Variants in GABPB1 observed in about 807,000 individuals in gnomAD.
GABPB1 encodes the protein GA-binding protein subunit beta-1.
A neutral mutation model predicts 45.9 loss-of-function variants in GABPB1; 15 were observed. The observed-to-expected ratio is 0.33, with a 90% CI of 0.22 to 0.50. The LOEUF is 0.50. Among genes scored for constraint, GABPB1 ranks in the 20% least tolerant of loss-of-function variants. GABPB1 has a pLI of 0.98. For missense variants in GABPB1, 252 were observed against 457.5 expected (o/e 0.55, Z 4.10); for synonymous variants, 143 against 154.4 (o/e 0.93, Z 0.55).
intron 1 of GABPB1, among the ~76,000 whole-genome samples, chr15:50,326,957 A>G (rs1466294326): frequency 6.6e-6 from 1 of 152,178 alleles, no homozygotes; most frequent in Non-Finnish European, 1.5e-5. Flanking sequence ...AGATTTCACA[A>G]ATTCATTTGA....
chr15:50,293,816 T>C (rs929828726), intron 6 of GABPB1, among the ~76,000 whole-genome samples: 1 of 152,160 alleles, frequency 6.6e-6, no homozygotes, highest in Admixed American at 6.5e-5. Flanking sequence ...AGTTGTGCTA[T>C]GGTAAGATAT....
rs529033045 is a variant in GABPB1 at position 50,276,347 on chromosome 15, C to T, written c.*2285G>A. On this transcript the variant is annotated 3_prime_UTR_variant, in exon 9 of 9. Transcript: ENST00000380877. ...CATGAAATAAGTGAAGGGAAGAAGA[C>T]ACCCATTTTAAGTTTTAATTACAAA... 1.3e-5 allele frequency: 2 copies of T among 152,344 alleles called. No individual in the cohort carries two copies. The highest frequency in any genetic ancestry group is 4.1e-4 in the South Asian group (2 of 4,832). The allele number at this position is 152,344 out of a possible 1,614,324, so 9.4% of individuals were successfully genotyped here.
intron 4 of GABPB1, 147 bp from the exon 5 acceptor site, chr15:50,301,515 CAG>C (rs2046746371): frequency 1.4e-6 from 1 of 728,334 alleles, no homozygotes; most frequent in Non-Finnish European, 2.3e-6. Context: ...GGTCCACTGA[CAG>C]TGTAGGGGCA....
At chr15:50,303,200 TG>T in intron 3 of GABPB1, 77 bp from the exon 4 acceptor site, 1 of 1,138,566 alleles carries the variant, frequency 8.8e-7, no homozygotes, top group Non-Finnish European at 1.3e-6. Context: ...TTATTAGTTC[TG>T]TGCTTTAAAG....
At chr15:50,337,143 A>G (rs2048178171) in intron 1 of GABPB1, among the ~76,000 whole-genome samples, 1 of 115,328 alleles carries the variant, frequency 8.7e-6, no homozygotes, top group Non-Finnish European at 1.8e-5. Context: ...TGAAGAGGTC[A>G]GAGCCCATCC....
chr15:50,353,704 G>C (rs2048951822), intron 1 of GABPB1: 1 of 152,046 alleles, frequency 6.6e-6, no homozygotes, highest in South Asian at 2.1e-4. Flanking sequence ...TTTAAACCAA[G>C]CTGGGTGGGT....
At chr15:50,298,461 C>A (rs1595755700) in intron 6 of GABPB1, among the ~76,000 whole-genome samples, 1 of 152,160 alleles carries the variant, frequency 6.6e-6, no homozygotes, top group Admixed American at 6.5e-5. Flanking sequence ...AATCAGTTTT[C>A]TTTGCTATGC....
At chr15:50,293,760 T>TA (rs1213268408) in intron 6 of GABPB1, among the ~76,000 whole-genome samples, 1 of 152,186 alleles carries the variant, frequency 6.6e-6, no homozygotes, top group African/African-American at 2.4e-5. Flanking sequence ...TGACTGTTAT[T>TA]AAAATAATAG....
At position 50,282,560 on chromosome 15, in the gene GABPB1, G is replaced by GAAAAAAAAAAAAAAAAAAA. The variant is rs552203074; in HGVS notation, c.999+3507_999+3508insTTTTTTTTTTTTTTTTTTT. ...CAAAGTGAGACCCTGCCTTAAAAAAGAAAAAAAAAAAAAAACAGAGACGGA... is the reference window on the plus strand; with the variant it reads ...CAAAGTGAGACCCTGCCTTAAAAAAGAAAAAAAAAAAAAAAAAAAAAAAAAAAAAAAAAACAGAGACGGA... On this transcript the variant is annotated intron_variant, in intron 8 of 8. Transcript: ENST00000380877. Among the ~76,000 whole-genome samples the GAAAAAAAAAAAAAAAAAAA allele has an allele frequency of 4.6e-3, 409 of 88,910 alleles. 65 individuals are homozygous for GAAAAAAAAAAAAAAAAAAA. Among genetic ancestry groups the GAAAAAAAAAAAAAAAAAAA allele is most frequent in the African/African-American group, 9.0e-3 (234 of 26,028 alleles). 58.3% of individuals were successfully genotyped at this position (88,910 alleles called of 152,430 possible).
At chr15:50,284,736 C>G (rs994003840) in intron 8 of GABPB1, among the ~76,000 whole-genome samples, 3 of 151,858 alleles carry the variant, frequency 2.0e-5, no homozygotes, top group Non-Finnish European at 2.9e-5. Context: ...ATAGTTAAAG[C>G]GAAGTACATG....
intron 7 of GABPB1, among the ~76,000 whole-genome samples, chr15:50,286,830 G>A (rs1413533778): frequency 6.6e-6 from 1 of 152,108 alleles, no homozygotes; most frequent in Non-Finnish European, 1.5e-5. Context: ...TATATAGAGA[G>A]GCTGTCCTTG....
At chr15:50,338,356 T>C (rs990649551) in intron 1 of GABPB1, among the ~76,000 whole-genome samples, 1 of 151,480 alleles carries the variant, frequency 6.6e-6, no homozygotes, top group Non-Finnish European at 1.5e-5. Context: ...TTGTTTTAAG[T>C]AGCACCCAAC....
At chr15:50,349,079 A>G (rs764078084) in intron 1 of GABPB1, 1 of 152,182 alleles carries the variant, frequency 6.6e-6, no homozygotes, top group Non-Finnish European at 1.5e-5. Flanking sequence ...CAAAAATCCA[A>G]AAAACTTCTG....
At chr15:50,319,821 G>C (rs1244286630) in intron 1 of GABPB1, among the ~76,000 whole-genome samples, 1 of 151,746 alleles carries the variant, frequency 6.6e-6, no homozygotes, top group East Asian at 1.9e-4. Context: ...CCAGGCGACA[G>C]AGTGAGACTC....
chr15:50,331,863 T>G (rs1006476107), intron 1 of GABPB1, among the ~76,000 whole-genome samples: 20 of 147,366 alleles, frequency 1.4e-4, no homozygotes, highest in East Asian at 7.7e-4. Context: ...GTTCAGTTTT[T>G]TTTTTTGTTT....
At chr15:50,282,242 A>G (rs890218693) in intron 8 of GABPB1, 4 of 452,304 alleles carry the variant, frequency 8.8e-6, no homozygotes, top group African/African-American at 6.1e-5. Context: ...CATACATAAA[A>G]ACACTAATTT....
At chr15:50,325,688 C>T (rs1327434569) in intron 1 of GABPB1, among the ~76,000 whole-genome samples, 2 of 152,030 alleles carry the variant, frequency 1.3e-5, no homozygotes, top group South Asian at 2.1e-4. Context: ...CACACCAGCA[C>T]GCCCAGCTAA....
chr15:50,314,168 T>C (rs2047226270), intron 1 of GABPB1, among the ~76,000 whole-genome samples: 1 of 149,688 alleles, frequency 6.7e-6, no homozygotes, highest in Non-Finnish European at 1.5e-5. Flanking sequence ...AGCCATACGG[T>C]AGATTTATTT....
rs1595760102 is a variant in GABPB1, at chr15:50,300,653, C to T, written c.697+136G>A. The T allele has an allele frequency of 1.5e-5, 9 of 598,918 alleles. No individual in the cohort carries two copies. The East Asian group carries it at 2.6e-4, about 17-fold the overall frequency. The allele number at this position is 598,918 out of a possible 1,614,324, so 37.1% of individuals were successfully genotyped here. ...AGAAACAGAGTTTCACTATGTTGTC[C>T]AGGCTGGTCTCAAACTCCTGAGCTC... On this transcript the variant is annotated intron_variant, in intron 6 of 8. Transcript: ENST00000380877.
Sources: allele counts gnomAD v4.1 joint callset (sites outside exome capture counted in the v4.1 genomes callset), GRCh38; gene constraint gnomAD v4.1.1; transcripts MANE v1.5; gene names NCBI Gene and HGNC (gene_info 2026-07-23, HGNC 2026-07-21).